The following RGS6 variants were observed in gnomAD, a reference collection of about 807,000 sequenced individuals.
RGS6 encodes regulator of G protein signaling 6.
Under a neutral mutation model 78.5 loss-of-function variants are expected in RGS6, and 30 were observed. The ratio of observed to expected loss-of-function variants is 0.38; its 90% CI spans 0.29 to 0.52. The LOEUF is 0.52. RGS6 is among the 20% of genes least tolerant of loss of function. The probability of loss-of-function intolerance (pLI) is 0.85; values close to 1 mark genes in which losing one functional copy is unlikely to be tolerated. For synonymous variants in RGS6, 206 were observed against 206.0 expected (o/e 1.00, Z 0.00); for missense variants, 495 against 609.7 (o/e 0.81, Z 1.98).
rs572676641 is a variant in RGS6 at position 72,484,284 on chromosome 14, C to A, written c.854+5955C>A. Among the ~76,000 whole-genome samples the A allele has an allele frequency of 6.6e-5, 10 of 152,274 alleles. No homozygotes were observed. In the South Asian group the frequency reaches 1.2e-3, roughly 19 times the overall value. On this transcript the variant is annotated intron_variant, in intron 12 of 17. Coordinates refer to ENST00000553525, the MANE Select transcript of RGS6 (RefSeq NM_001204424.2). The stretch of plus-strand genomic sequence containing the variant: ...GTCGTATCCCATAATGCTTTAGATT[C>A]CAGGCCTCGTTTTTGTTGGATTTTG...
intron 3 of RGS6, among the ~76,000 whole-genome samples, chr14:72,387,056 G>T (rs987532699): frequency 6.6e-6 from 1 of 152,094 alleles, no homozygotes; most frequent in Non-Finnish European, 1.5e-5. Flanking sequence ...TTAAAACACT[G>T]ACTATGCAAT....
intron 3 of RGS6, among the ~76,000 whole-genome samples, chr14:72,407,400 C>T (rs904029141): frequency 5.9e-5 from 9 of 152,150 alleles, no homozygotes; most frequent in African/African-American, 2.2e-4. Context: ...TATTGCTGTT[C>T]CTAATGTCTT....
chr14:71,923,236 A>G, the RGS6 span, among the ~76,000 whole-genome samples: 9 of 152,220 alleles, frequency 5.9e-5, no homozygotes, highest in African/African-American at 2.2e-4. Context: ...TAAACCAGCA[A>G]AGAAGGTGTG....
At chr14:71,992,022 C>CTTTTT (rs11463702) in intron 2 of RGS6, among the ~76,000 whole-genome samples, 2 of 141,004 alleles carry the variant, frequency 1.4e-5, no homozygotes, top group Non-Finnish European at 3.1e-5. Flanking sequence ...TCTAGAATAT[C>CTTTTT]TTTTTTTTTT....
At chr14:72,540,579 C>A (rs1199638888) in intron 17 of RGS6, 2 of 1,527,020 alleles carry the variant, frequency 1.3e-6, no homozygotes, top group Non-Finnish European at 1.8e-6. Context: ...GTGTAGGCGG[C>A]TTTTGCTGTG....
chr14:71,916,753 C>G, the RGS6 span, among the ~76,000 whole-genome samples: 3,607 of 152,242 alleles, frequency 0.024, 68 homozygotes, highest in Non-Finnish European at 0.036. Flanking sequence ...TAGTGAGGAG[C>G]TGGTCCGTGT....
At chr14:72,297,433 T>TATTATTATTATTA (rs1390646561) in intron 2 of RGS6, among the ~76,000 whole-genome samples, 1 of 146,894 alleles carries the variant, frequency 6.8e-6, no homozygotes, top group African/African-American at 2.7e-5. Context: ...ATTATTATTT[T>TATTATTATTATTA]TTTTTTATAC....
chr14:71,930,010 T>C (rs7151873), upstream of RGS6, among the ~76,000 whole-genome samples: 4,129 of 152,322 alleles, frequency 0.027, 179 homozygotes, highest in African/African-American at 0.093. Context: ...ACCAAGGAAC[T>C]GTGGTTCCTT....
chr14:72,357,263 GAAAAA>G (rs59962898), intron 3 of RGS6, among the ~76,000 whole-genome samples: 1 of 131,374 alleles, frequency 7.6e-6, no homozygotes, highest in South Asian at 2.4e-4. Flanking sequence ...CCCTGTCTCA[GAAAAA>G]AAAAAAAAAT....
intron 12 of RGS6, among the ~76,000 whole-genome samples, chr14:72,484,128 C>T (rs1598193245): frequency 1.3e-5 from 2 of 152,146 alleles, no homozygotes; most frequent in Non-Finnish European, 2.9e-5. Flanking sequence ...TGTAGCAGAG[C>T]GAGGCGTGCC....
intron 2 of RGS6, among the ~76,000 whole-genome samples, chr14:72,223,055 C>T (rs1216916540): frequency 5.3e-5 from 8 of 152,322 alleles, no homozygotes; most frequent in Non-Finnish European, 7.3e-5. Context: ...GATTTAACTG[C>T]ATGCTAATTA....
At chr14:71,870,346 G>A in the RGS6 span, among the ~76,000 whole-genome samples, 3 of 152,156 alleles carry the variant, frequency 2.0e-5, no homozygotes, top group Non-Finnish European at 4.4e-5. Flanking sequence ...GCCTTAGTTA[G>A]GCTAATTTAC....
At chr14:72,582,244 T>C in the RGS6 span, among the ~76,000 whole-genome samples, 1 of 152,058 alleles carries the variant, frequency 6.6e-6, no homozygotes, top group Non-Finnish European at 1.5e-5. Flanking sequence ...AAACAAACCA[T>C]ACGCAAAGCA....
intron 2 of RGS6, among the ~76,000 whole-genome samples, chr14:72,304,519 C>T (rs1393023646): frequency 6.6e-6 from 1 of 152,204 alleles, no homozygotes; most frequent in African/African-American, 2.4e-5. Context: ...CTGAAGTCAT[C>T]TTGCATCTGA....
At chr14:71,895,161 T>G in the RGS6 span, among the ~76,000 whole-genome samples, 1 of 151,652 alleles carries the variant, frequency 6.6e-6, no homozygotes, top group East Asian at 1.9e-4. Flanking sequence ...AAAAAGGTAG[T>G]TAGATAATCA....
chr14:72,053,002 T>C (rs1246778018), intron 2 of RGS6, among the ~76,000 whole-genome samples: 2 of 124,194 alleles, frequency 1.6e-5, no homozygotes, highest in Admixed American at 8.1e-5. Flanking sequence ...TCTCTCTCTC[T>C]CTCTTTCTTT....
At chr14:72,538,432 A>G (rs1004955280) in intron 16 of RGS6, among the ~76,000 whole-genome samples, 5 of 152,244 alleles carry the variant, frequency 3.3e-5, no homozygotes, top group African/African-American at 1.2e-4. Flanking sequence ...CTCAGGGGGT[A>G]GGTGAGCTGA....
At chr14:72,532,614 G>T (rs939731459) in intron 15 of RGS6, among the ~76,000 whole-genome samples, 4 of 152,238 alleles carry the variant, frequency 2.6e-5, no homozygotes, top group African/African-American at 9.6e-5. Context: ...TGAATACAAA[G>T]AAAAGTTTAT....
At chr14:72,113,231 C>T (rs186155541) in intron 2 of RGS6, among the ~76,000 whole-genome samples, 13 of 152,286 alleles carry the variant, frequency 8.5e-5, no homozygotes, top group East Asian at 7.7e-4. Context: ...GTACCTTGTA[C>T]GTTTACACAT....
Sources: allele counts gnomAD v4.1 joint callset (sites outside exome capture counted in the v4.1 genomes callset), GRCh38; gene constraint gnomAD v4.1.1; transcripts MANE v1.5; gene names NCBI Gene and HGNC (gene_info 2026-07-23, HGNC 2026-07-21).